The following CMSS1 variants were observed in gnomAD, a reference collection of about 807,000 sequenced individuals.
CMSS1 encodes protein CMSS1.
A neutral mutation model predicts 43.5 loss-of-function variants in CMSS1; 33 were observed. That is an observed-to-expected ratio of 0.76 (90% confidence interval 0.57 to 1.01). The LOEUF is 1.01. CMSS1 is among the 50% of genes least tolerant of loss of function. The pLI is 0.00. For synonymous variants in CMSS1, 115 were observed against 117.2 expected (o/e 0.98, Z 0.12); for missense variants, 313 against 326.4 (o/e 0.96, Z 0.32).
At chr3:99,864,284 T>C (rs1162062334) in intron 1 of CMSS1, among the ~76,000 whole-genome samples, 1 of 152,156 alleles carries the variant, frequency 6.6e-6, no homozygotes, top group Non-Finnish European at 1.5e-5. Context: ...ATGGTGGCCC[T>C]GGAACTGGTA....
At chr3:100,118,584 AC>A (rs773771647) in intron 1 of CMSS1, among the ~76,000 whole-genome samples, 9 of 152,198 alleles carry the variant, frequency 5.9e-5, no homozygotes, top group Non-Finnish European at 1.3e-4. Flanking sequence ...CTGTTCAAGC[AC>A]TAACATAATT....
At chr3:99,917,585 T>C (rs1706992795) in intron 1 of CMSS1, among the ~76,000 whole-genome samples, 1 of 152,236 alleles carries the variant, frequency 6.6e-6, no homozygotes, top group Non-Finnish European at 1.5e-5. Flanking sequence ...GCTAGGTCTT[T>C]TCTAGCTTAA....
intron 1 of CMSS1, among the ~76,000 whole-genome samples, chr3:99,954,855 G>A (rs1201113054): frequency 6.6e-6 from 1 of 151,920 alleles, no homozygotes; most frequent in Non-Finnish European, 1.5e-5. Context: ...AGTCACAACA[G>A]ACTGTTAGGA....
chr3:99,954,402 G>C (rs1708261841), intron 1 of CMSS1, among the ~76,000 whole-genome samples: 1 of 152,194 alleles, frequency 6.6e-6, no homozygotes, highest in East Asian at 1.9e-4. Context: ...ATGGCTCCCA[G>C]TTTAACACAA....
chr3:100,146,838 C>T, intron 1 of CMSS1, 135 bp from the exon 2 acceptor site: 1 of 1,114,442 alleles, frequency 9.0e-7, no homozygotes, highest in Non-Finnish European at 1.2e-6. Context: ...TACTTTGGAC[C>T]ATTTCCTTAA....
chr3:100,130,901 G>A (rs2066700977), intron 1 of CMSS1, among the ~76,000 whole-genome samples: 1 of 152,152 alleles, frequency 6.6e-6, no homozygotes, highest in African/African-American at 2.4e-5. Context: ...GCATTTTAAG[G>A]GGTAGGTGAA....
chr3:99,851,140 A>G (rs2107529332), intron 1 of CMSS1: 2 of 1,222,166 alleles, frequency 1.6e-6, no homozygotes, highest in East Asian at 2.4e-5. Flanking sequence ...ACTTAAATAT[A>G]TATGTAATTT....
At chr3:100,162,820 C>T (rs1372823014) in intron 4 of CMSS1, among the ~76,000 whole-genome samples, 1 of 151,910 alleles carries the variant, frequency 6.6e-6, no homozygotes, top group African/African-American at 2.4e-5. Flanking sequence ...CTAAAAAATA[C>T]AAAAATTAGC....
Position 100,074,381 on chromosome 3 carries a change from C to G in CMSS1, c.65-72592C>G, listed in dbSNP as rs552626105. 3.9e-5 allele frequency among the ~76,000 whole-genome samples: 6 copies of G among 152,198 alleles called. No individual in the cohort carries two copies. In the South Asian group the frequency reaches 1.2e-3, roughly 32 times the overall value. ...TTATTAAAAATCAGAGGCTTTCTTC[C>G]CTTGTATTAACTTGTTCTTTGAAAT... On this transcript the variant is annotated intron_variant, in intron 1 of 9. Coordinates refer to ENST00000421999, the MANE Select transcript of CMSS1 (RefSeq NM_032359.4).
intron 1 of CMSS1, among the ~76,000 whole-genome samples, chr3:100,033,296 T>C (rs2065050216): frequency 1.3e-5 from 2 of 152,276 alleles, no homozygotes; most frequent in Admixed American, 1.3e-4. Flanking sequence ...CTGTCTGAAC[T>C]TGCCCTCAAA....
At chr3:99,908,146 C>T (rs946156113) in intron 1 of CMSS1, among the ~76,000 whole-genome samples, 6 of 152,204 alleles carry the variant, frequency 3.9e-5, no homozygotes, top group Admixed American at 6.5e-5. Context: ...TGTGCTGTAT[C>T]ACTTTCATCT....
intron 2 of CMSS1, among the ~76,000 whole-genome samples, chr3:100,148,859 A>G (rs1423301100): frequency 6.6e-6 from 1 of 152,040 alleles, no homozygotes; most frequent in East Asian, 1.9e-4. Flanking sequence ...TTTTTCTCCA[A>G]CCATTAAATA....
intron 1 of CMSS1, among the ~76,000 whole-genome samples, chr3:100,030,536 T>C (rs1329223952): frequency 6.6e-6 from 1 of 152,226 alleles, no homozygotes; most frequent in Non-Finnish European, 1.5e-5. Context: ...TCTCAGAACC[T>C]GTTTTCCCGT....
At chr3:99,883,496 T>G (rs1241657750) in intron 1 of CMSS1, among the ~76,000 whole-genome samples, 3 of 152,142 alleles carry the variant, frequency 2.0e-5, no homozygotes, top group Non-Finnish European at 4.4e-5. Flanking sequence ...ATCCTCCCCT[T>G]TTATAGGCTA....
intron 1 of CMSS1, among the ~76,000 whole-genome samples, chr3:100,060,006 G>A (rs1209141732): frequency 6.6e-6 from 1 of 151,568 alleles, no homozygotes; most frequent in Non-Finnish European, 1.5e-5. Flanking sequence ...GACTAGGGGT[G>A]GCACAGGCAG....
intron 1 of CMSS1, among the ~76,000 whole-genome samples, chr3:99,819,630 T>C (rs527348297): frequency 6.6e-6 from 1 of 152,372 alleles, no homozygotes; most frequent in East Asian, 1.9e-4. Flanking sequence ...TCAAGTGTGA[T>C]TGATTTTGAA....
At chr3:100,023,045 T>A (rs1296722164) in intron 1 of CMSS1, among the ~76,000 whole-genome samples, 1 of 152,160 alleles carries the variant, frequency 6.6e-6, no homozygotes, top group Middle Eastern at 3.2e-3. Flanking sequence ...TCAGGTGTTT[T>A]AACCATTTAG....
intron 1 of CMSS1, among the ~76,000 whole-genome samples, chr3:99,945,237 T>C (rs540643546): frequency 1.3e-5 from 2 of 152,328 alleles, no homozygotes; most frequent in South Asian, 2.1e-4. Context: ...AAGGGCCATC[T>C]CCACCCTTTC....
chr3:99,976,132 G>A (rs902049183), intron 1 of CMSS1, among the ~76,000 whole-genome samples: 11 of 151,886 alleles, frequency 7.2e-5, no homozygotes, highest in Non-Finnish European at 1.2e-4. Flanking sequence ...TGGTTCGCCC[G>A]CCTCAGCCTC....
Sources: allele counts gnomAD v4.1 joint callset (sites outside exome capture counted in the v4.1 genomes callset), GRCh38; gene constraint gnomAD v4.1.1; transcripts MANE v1.5; gene names NCBI Gene and HGNC (gene_info 2026-07-23, HGNC 2026-07-21).